Variants in NXPE2 observed in about 807,000 individuals in gnomAD.
NXPE2 encodes NXPE family member 2.
NXPE2 carries 34 observed loss-of-function variants against 34.4 expected under a neutral mutation model. The ratio of observed to expected loss-of-function variants is 0.99; its 90% CI spans 0.75 to 1.31. NXPE2 has a LOEUF of 1.31. Ranked by LOEUF, NXPE2 falls within the 40% of genes most tolerant of loss-of-function variation. The pLI, the probability that NXPE2 is intolerant of heterozygous loss-of-function variation, is 0.00. For synonymous variants in NXPE2, 235 were observed against 231.3 expected (o/e 1.02, Z -0.15); for missense variants, 649 against 672.5 (o/e 0.97, Z 0.39).
the NXPE2 span, among the ~76,000 whole-genome samples, chr11:114,639,697 T>C: frequency 7.3e-6 from 1 of 137,322 alleles, no homozygotes; most frequent in South Asian, 2.1e-4. Context: ...ATCTATTCTA[T>C]AATATATTCT....
chr11:114,651,550 T>G, the NXPE2 span, among the ~76,000 whole-genome samples: 1 of 152,228 alleles, frequency 6.6e-6, no homozygotes, highest in Non-Finnish European at 1.5e-5. Context: ...TTGCCACTGC[T>G]GGCTTTGCTG....
chr11:114,507,151 C>A, the NXPE2 span, among the ~76,000 whole-genome samples: 1,492 of 151,180 alleles, frequency 9.9e-3, 28 homozygotes, highest in African/African-American at 0.034. Context: ...TGGACACATA[C>A]ACACTCCCAA....
At chr11:114,802,591 G>A in the NXPE2 span, among the ~76,000 whole-genome samples, 16 of 152,176 alleles carry the variant, frequency 1.1e-4, no homozygotes, top group African/African-American at 3.4e-4. Flanking sequence ...AGTTGCTGAT[G>A]GAATCATTGA....
At chr11:114,644,019 G>T in the NXPE2 span, among the ~76,000 whole-genome samples, 2 of 151,874 alleles carry the variant, frequency 1.3e-5, no homozygotes, top group African/African-American at 4.8e-5. Context: ...TATTCTCTTT[G>T]CAGCAATTGT....
At chr11:114,551,322 G>A in the NXPE2 span, 1 of 1,372,246 alleles carries the variant, frequency 7.3e-7, no homozygotes, top group Non-Finnish European at 9.6e-7. Context: ...CTCCTTTTGT[G>A]AGTCACTGTC....
the NXPE2 span, among the ~76,000 whole-genome samples, chr11:114,577,028 CATATATATATATAAAGTT>C: frequency 2.1e-5 from 2 of 95,012 alleles, no homozygotes; most frequent in Non-Finnish European, 4.3e-5. Flanking sequence ...TATATATATA[CATATATATATATAAAGTT>C]ATATATATAT....
chr11:114,619,069 A>T, the NXPE2 span, among the ~76,000 whole-genome samples: 9 of 151,902 alleles, frequency 5.9e-5, no homozygotes, highest in Admixed American at 5.3e-4. Context: ...CCTGGTGGAT[A>T]ATAAGTATTG....
At chr11:114,475,226 GTTTTTTTTTTTTTTT>G in the NXPE2 span, among the ~76,000 whole-genome samples, 65 of 88,048 alleles carry the variant, frequency 7.4e-4, no homozygotes, top group African/African-American at 2.1e-3. Context: ...AATGTGAACT[GTTTTTTTTTTTTTTT>G]TTTTTTTTTT....
the NXPE2 span, among the ~76,000 whole-genome samples, chr11:114,508,314 C>T: frequency 6.6e-6 from 1 of 152,202 alleles, no homozygotes; most frequent in Non-Finnish European, 1.5e-5. Context: ...AATGGCCATA[C>T]TGCCCAAAGC....
the NXPE2 span, among the ~76,000 whole-genome samples, chr11:114,744,809 A>G: frequency 2.2e-4 from 34 of 152,300 alleles, 1 homozygote; most frequent in African/African-American, 8.2e-4. Flanking sequence ...TCTCAGAAAA[A>G]AAGAAAGAAA....
chr11:114,563,841 G>A, the NXPE2 span, among the ~76,000 whole-genome samples: 1 of 152,198 alleles, frequency 6.6e-6, no homozygotes, highest in Non-Finnish European at 1.5e-5. Flanking sequence ...TGTGGATGTA[G>A]TGAAAAGGGA....
chr11:114,533,291 T>C, the NXPE2 span, among the ~76,000 whole-genome samples: 1 of 152,014 alleles, frequency 6.6e-6, no homozygotes, highest in Admixed American at 6.6e-5. Context: ...TTATAGACAA[T>C]ACATTCGAGC....
chr11:114,702,550 A>C (rs1631559), intron 3 of NXPE2, among the ~76,000 whole-genome samples: 61,849 of 151,708 alleles, frequency 0.41, 13,049 homozygotes, highest in South Asian at 0.49. Flanking sequence ...ATATGCCAAC[A>C]TTTATGTTAG....
At chr11:114,619,360 G>T in the NXPE2 span, among the ~76,000 whole-genome samples, 4 of 152,136 alleles carry the variant, frequency 2.6e-5, no homozygotes, top group East Asian at 5.8e-4. Context: ...TTACCCGGTA[G>T]ATAATAAGTG....
At chr11:114,615,613 A>C in the NXPE2 span, among the ~76,000 whole-genome samples, 6 of 149,050 alleles carry the variant, frequency 4.0e-5, no homozygotes, top group African/African-American at 1.3e-4. Context: ...ATGGGTAACC[A>C]CTGGTACCTG....
chr11:114,592,389 C>A, the NXPE2 span, among the ~76,000 whole-genome samples: 3 of 151,910 alleles, frequency 2.0e-5, no homozygotes, highest in Admixed American at 1.3e-4. Flanking sequence ...ACCAAACAAC[C>A]TGAAAAAATA....
chr11:114,755,600 C>T, the NXPE2 span, among the ~76,000 whole-genome samples: 1 of 152,186 alleles, frequency 6.6e-6, no homozygotes, highest in Non-Finnish European at 1.5e-5. Context: ...CTTACTTTAT[C>T]TATCCATGTA....
At chr11:114,493,032 T>C in the NXPE2 span, among the ~76,000 whole-genome samples, 7 of 152,246 alleles carry the variant, frequency 4.6e-5, no homozygotes, top group Non-Finnish European at 1.0e-4. Flanking sequence ...TCTTTCTGAA[T>C]TGACCATTTT....
the NXPE2 span, among the ~76,000 whole-genome samples, chr11:114,650,788 A>G: frequency 0.87 from 131,691 of 152,012 alleles, 57,694 homozygotes; most frequent in Non-Finnish European, 0.92. Flanking sequence ...CTCTGGAAAG[A>G]CTCTCTCTAA....
Sources: gnomAD v4.1 joint callset for allele counts (sites outside exome capture counted in the v4.1 genomes callset) on GRCh38, gnomAD v4.1.1 for gene constraint, MANE v1.5 for transcripts, NCBI Gene and HGNC (gene_info 2026-07-23, HGNC 2026-07-21) for gene names.